Variants in MACROD1 observed in about 807,000 individuals in gnomAD.
MACROD1 encodes ADP-ribose glycohydrolase MACROD1.
MACROD1 carries 31 observed loss-of-function variants against 41.4 expected under a neutral mutation model. The ratio of observed to expected loss-of-function variants is 0.75; its 90% CI spans 0.56 to 1.01. The LOEUF (loss-of-function observed/expected upper bound fraction) is 1.01, where lower values mean the gene tolerates loss of function less well. MACROD1 is among the 50% of genes least tolerant of loss of function. The pLI is 0.00. For missense variants in MACROD1, 473 were observed against 460.0 expected, an observed-to-expected ratio of 1.03 and a Z score of -0.26; for synonymous variants, 252 against 203.4, an observed-to-expected ratio of 1.24 and a Z score of -2.03.
intron 4 of MACROD1, chr11:64,008,900 G>T (rs557099011): frequency 6.6e-6 from 1 of 152,362 alleles, no homozygotes; most frequent in Non-Finnish European, 1.5e-5. Flanking sequence ...CCTTTGGGGC[G>T]CTGGCCAGGC....
chr11:64,151,185 A>C, intron 3 of MACROD1, 54 bp downstream of exon 3: 1 of 1,459,970 alleles, frequency 6.8e-7, no homozygotes, highest in Non-Finnish European at 9.5e-7. Flanking sequence ...ACAGCAGAGC[A>C]GAGCAAAGGC....
intron 3 of MACROD1, among the ~76,000 whole-genome samples, chr11:64,031,769 C>T (rs1031700001): frequency 6.6e-6 from 1 of 152,200 alleles, no homozygotes; most frequent in Admixed American, 6.5e-5. Context: ...TGAGCTACTG[C>T]ACCCGGCCAC....
At chr11:64,073,134 A>G (rs1488471218) in intron 3 of MACROD1, among the ~76,000 whole-genome samples, 1 of 152,144 alleles carries the variant, frequency 6.6e-6, no homozygotes, top group East Asian at 1.9e-4. Context: ...AGGGACCCCC[A>G]CCGTGGGTTT....
chr11:64,045,021 A>G (rs1434787017), intron 3 of MACROD1, among the ~76,000 whole-genome samples: 1 of 152,198 alleles, frequency 6.6e-6, no homozygotes, highest in East Asian at 1.9e-4. Context: ...GGAGGGCATT[A>G]TTCCTGGAGG....
At chr11:64,156,040 G>A (rs1048308453) in intron 1 of MACROD1, among the ~76,000 whole-genome samples, 7 of 150,938 alleles carry the variant, frequency 4.6e-5, no homozygotes, top group African/African-American at 9.8e-5. Flanking sequence ...CCTGGGAGGC[G>A]GAGGTTGCGG....
At chr11:64,129,744 A>G (rs1178325744) in intron 3 of MACROD1, among the ~76,000 whole-genome samples, 1 of 152,166 alleles carries the variant, frequency 6.6e-6, no homozygotes, top group Non-Finnish European at 1.5e-5. Flanking sequence ...GAAGAGGATG[A>G]CAGGCTGGCT....
At chr11:64,089,130 G>A (rs545079401) in intron 3 of MACROD1, among the ~76,000 whole-genome samples, 1 of 152,326 alleles carries the variant, frequency 6.6e-6, no homozygotes, top group South Asian at 2.1e-4. Context: ...AGGAGCCCAG[G>A]AGCCCGCTGG....
intron 3 of MACROD1, among the ~76,000 whole-genome samples, chr11:64,052,280 T>C (rs914519605): frequency 6.6e-6 from 1 of 152,178 alleles, no homozygotes; most frequent in Middle Eastern, 3.2e-3. Context: ...CTTTTTTTGC[T>C]GTGAGGCCTT....
chr11:64,092,889 A>G (rs1429316912), intron 3 of MACROD1, among the ~76,000 whole-genome samples: 1 of 152,222 alleles, frequency 6.6e-6, no homozygotes, highest in African/African-American at 2.4e-5. Context: ...GAGTGAACAA[A>G]CTTCAATTGG....
chr11:64,119,151 A>G (rs1292329207), intron 3 of MACROD1: 4 of 167,218 alleles, frequency 2.4e-5, no homozygotes, highest in African/African-American at 9.7e-5. Context: ...CCATTTCCTG[A>G]ACAATAGAAT....
intron 3 of MACROD1, among the ~76,000 whole-genome samples, chr11:64,046,509 T>A (rs1020599702): frequency 1.3e-5 from 2 of 152,196 alleles, no homozygotes; most frequent in Admixed American, 6.5e-5. Flanking sequence ...CCCTGCGCTG[T>A]GCTCCAGCCC....
At chr11:64,139,056 C>T (rs190197922) in intron 3 of MACROD1, among the ~76,000 whole-genome samples, 15 of 152,272 alleles carry the variant, frequency 9.9e-5, no homozygotes, top group Admixed American at 8.5e-4. Context: ...CGTGAGCCAC[C>T]GCGCCCGGCC....
intron 3 of MACROD1, among the ~76,000 whole-genome samples, chr11:64,098,774 G>A (rs1590905471): frequency 6.6e-6 from 1 of 152,210 alleles, no homozygotes; most frequent in Non-Finnish European, 1.5e-5. Flanking sequence ...CCACAGGGCA[G>A]CTCTTCCCAG....
rs578094918 is a variant in MACROD1 at position 63,999,357 on chromosome 11, C to T, written c.865G>A (p.Glu289Lys). ...TTGTCCTTGTGCTGCTCCAGCCACT[C>T]TCGCAGCGTGGCCAGCACGATCTCG... ...AAEIVLATLR[E>K]WLEQHKDKVD... The change falls in exon 8 of 11, where the codon GAG becomes AAG. Residue 289 changes from glutamate to lysine, a missense_variant. Transcript: ENST00000255681. 565 of 1,590,430 alleles carry T rather than the reference C, an allele frequency of 3.6e-4. 8 individuals are homozygous for T. The South Asian group carries it at 6.0e-3, about 17-fold the overall frequency.
Position 64,059,426 on chromosome 11 carries a change from A to G in MACROD1, c.518-44145T>C, listed in dbSNP as rs544836803. Among the ~76,000 whole-genome samples the G allele has an allele frequency of 5.0e-3, 762 of 152,152 alleles. 8 individuals carry two copies. The highest frequency in any genetic ancestry group is 0.017 in the Middle Eastern group (5 of 294). On this transcript the variant is annotated intron_variant, in intron 3 of 10. Coordinates refer to ENST00000255681, the MANE Select transcript of MACROD1 (RefSeq NM_014067.4). ...TGGGGGTGGGAAGAGATGTCCCCCC[A>G]GGGTTGGAGGCTGGACAGGGAAGCG...
intron 3 of MACROD1, among the ~76,000 whole-genome samples, chr11:64,127,474 G>C (rs989991662): frequency 6.6e-6 from 1 of 152,104 alleles, no homozygotes; most frequent in Admixed American, 6.5e-5. Flanking sequence ...TGCCCCCGAG[G>C]GTCAGCTCTG....
At chr11:64,042,303 C>G (rs552542491) in intron 3 of MACROD1, among the ~76,000 whole-genome samples, 1 of 152,036 alleles carries the variant, frequency 6.6e-6, no homozygotes, top group Non-Finnish European at 1.5e-5. Context: ...GAAGCTGCCA[C>G]GAGGAAGGGG....
At chr11:64,071,680 T>G (rs1944110161) in intron 3 of MACROD1, among the ~76,000 whole-genome samples, 4 of 152,144 alleles carry the variant, frequency 2.6e-5, no homozygotes, top group Admixed American at 1.3e-4. Flanking sequence ...GCCCCCCAGC[T>G]TGGTGGTTAT....
chr11:64,032,783 CT>C (rs1756198952), intron 3 of MACROD1, among the ~76,000 whole-genome samples: 1 of 152,136 alleles, frequency 6.6e-6, no homozygotes, highest in Non-Finnish European at 1.5e-5. Flanking sequence ...GAACAGTGAT[CT>C]TTCTGACTCT....
Sources: allele counts gnomAD v4.1 joint callset (sites outside exome capture counted in the v4.1 genomes callset), GRCh38; gene constraint gnomAD v4.1.1; transcripts MANE v1.5; gene names NCBI Gene and HGNC (gene_info 2026-07-23, HGNC 2026-07-21).